SYN3: variants seen among roughly 807,000 people sequenced by gnomAD.
The protein encoded by SYN3 is synapsin-3.
SYN3 carries 35 observed loss-of-function variants against 65.8 expected under a neutral mutation model. That is an observed-to-expected ratio of 0.53 (90% CI 0.41 to 0.70). The LOEUF (loss-of-function observed/expected upper bound fraction) is 0.70. Among genes scored for constraint, SYN3 ranks in the 30% least tolerant of loss-of-function variants. SYN3 has a pLI of 0.00. For missense variants in SYN3, 680 were observed against 749.0 expected (o/e 0.91, Z 1.08); for synonymous variants, 270 against 292.9 (o/e 0.92, Z 0.80).
chr22:32,935,492 G>T lies in SYN3; in HGVS notation c.370-4011C>A, dbSNP rs150727979. ...TGAGATGGAGTTTCACTCTTGTTGC[G>T]CAGGCTGGAGTGCAACGGCGTGATC... On this transcript the variant is annotated intron_variant, in intron 3 of 13. Transcript: ENST00000358763. Among the ~76,000 whole-genome samples the T allele has an allele frequency of 9.3e-3, 1,295 of 139,628 alleles. 21 individuals are homozygous for T. Among genetic ancestry groups the T allele is most frequent in the African/African-American group, 0.034 (1,245 of 36,946 alleles). 91.6% of individuals were successfully genotyped at this position (139,628 alleles called of 152,430 possible).
At chr22:32,825,980 G>A (rs1330813244) in intron 6 of SYN3, among the ~76,000 whole-genome samples, 1 of 152,180 alleles carries the variant, frequency 6.6e-6, no homozygotes, top group African/African-American at 2.4e-5. Flanking sequence ...GTAGCATAGG[G>A]AAAAGTCTTG....
intron 3 of SYN3, among the ~76,000 whole-genome samples, chr22:32,951,103 G>A (rs1024960118): frequency 3.3e-5 from 5 of 152,126 alleles, no homozygotes; most frequent in African/African-American, 1.2e-4. Flanking sequence ...CATTCAAAAA[G>A]GATAAACAAT....
chr22:32,917,960 T>C (rs2050230533), intron 4 of SYN3, among the ~76,000 whole-genome samples: 1 of 151,758 alleles, frequency 6.6e-6, no homozygotes, highest in Non-Finnish European at 1.5e-5. Flanking sequence ...GATGGGGGCT[T>C]CCCCCTCCAA....
intron 2 of SYN3, 24 bp downstream of exon 2, chr22:33,006,328 T>C (rs755137496): frequency 7.6e-6 from 12 of 1,576,444 alleles, no homozygotes; most frequent in East Asian, 2.3e-5. Flanking sequence ...CAGAAGGTGG[T>C]AGCACTTGCA....
intron 3 of SYN3, among the ~76,000 whole-genome samples, chr22:32,951,784 A>G (rs1243652531): frequency 6.6e-6 from 1 of 152,152 alleles, no homozygotes; most frequent in Non-Finnish European, 1.5e-5. Context: ...GAGTGTGCAG[A>G]GTTGGGCCAG....
chr22:32,806,511 C>T (rs1311139021), intron 6 of SYN3, among the ~76,000 whole-genome samples: 1 of 152,158 alleles, frequency 6.6e-6, no homozygotes. Flanking sequence ...TCCTGGGTGG[C>T]CTTGAGAGGC....
At chr22:32,611,452 C>T (rs2059444734) in intron 6 of SYN3, among the ~76,000 whole-genome samples, 1 of 151,944 alleles carries the variant, frequency 6.6e-6, no homozygotes, top group Non-Finnish European at 1.5e-5. Flanking sequence ...CACCACCATG[C>T]CTGGCTAATT....
At position 32,649,831 on chromosome 22, in the gene SYN3, G is replaced by A. The variant is rs575498170; in HGVS notation, c.712-53095C>T. Reference sequence around the variant, plus strand: ...CGGTAACATTAGTAGACAGGGCTGGGCCACAGAATCGGGTGGTTTAGGACA... The same window carrying A: ...CGGTAACATTAGTAGACAGGGCTGGACCACAGAATCGGGTGGTTTAGGACA... On this transcript the variant is annotated intron_variant, in intron 6 of 13. Coordinates refer to ENST00000358763, the MANE Select transcript of SYN3 (RefSeq NM_003490.4). 7.2e-5 allele frequency among the ~76,000 whole-genome samples: 11 copies of A among 152,306 alleles called. No homozygotes were observed. In the South Asian group the frequency reaches 2.1e-3, roughly 29 times the overall value.
intron 6 of SYN3, among the ~76,000 whole-genome samples, chr22:32,734,059 A>G (rs1196378425): frequency 6.6e-6 from 1 of 152,192 alleles, no homozygotes; most frequent in Non-Finnish European, 1.5e-5. Flanking sequence ...GTCTAGGGCC[A>G]CTGCTGTCAT....
At chr22:32,919,074 G>C (rs2050265490) in intron 4 of SYN3, among the ~76,000 whole-genome samples, 1 of 152,184 alleles carries the variant, frequency 6.6e-6, no homozygotes, top group Admixed American at 6.5e-5. Flanking sequence ...TGATGGATGA[G>C]AGCAAGGTAC....
At chr22:32,949,303 G>T (rs776619334) in intron 3 of SYN3, among the ~76,000 whole-genome samples, 1 of 151,970 alleles carries the variant, frequency 6.6e-6, no homozygotes, top group South Asian at 2.1e-4. Flanking sequence ...AGTTACCAGC[G>T]GGGGGCGGGG....
At chr22:32,754,550 G>A (rs3827342) in intron 6 of SYN3, among the ~76,000 whole-genome samples, 87,246 of 152,072 alleles carry the variant, frequency 0.57, 25,415 homozygotes, top group African/African-American at 0.68. Context: ...TCCTGCTGCC[G>A]CAGACCTGAT....
intron 1 of SYN3, among the ~76,000 whole-genome samples, chr22:33,042,617 G>A (rs974288194): frequency 6.6e-6 from 1 of 152,228 alleles, no homozygotes; most frequent in East Asian, 1.9e-4. Context: ...CCACTCTAAA[G>A]GGCAGTTGAC....
At chr22:32,812,056 T>C (rs931285917) in intron 6 of SYN3, among the ~76,000 whole-genome samples, 3 of 152,334 alleles carry the variant, frequency 2.0e-5, no homozygotes, top group Non-Finnish European at 2.9e-5. Flanking sequence ...TAGTTCATCA[T>C]CTGACTCTGG....
At chr22:32,944,419 A>G (rs1662677563) in intron 3 of SYN3, among the ~76,000 whole-genome samples, 2 of 152,210 alleles carry the variant, frequency 1.3e-5, no homozygotes, top group African/African-American at 4.8e-5. Context: ...AATCCAGCAT[A>G]TAAACAGAAC....
intron 6 of SYN3, among the ~76,000 whole-genome samples, chr22:32,726,276 G>C (rs1335294394): frequency 2.0e-5 from 3 of 152,136 alleles, no homozygotes; most frequent in African/African-American, 7.2e-5. Context: ...CCAAGTAGCT[G>C]GGATTATAGG....
At chr22:32,874,836 A>G (rs553450908) in intron 4 of SYN3, among the ~76,000 whole-genome samples, 2 of 152,294 alleles carry the variant, frequency 1.3e-5, no homozygotes, top group East Asian at 3.9e-4. Context: ...AATTGTCTCC[A>G]CACTCTTCAT....
In SYN3 at chr22:32,837,747, A is replaced by T. The variant is rs984157579; in HGVS notation, c.711+27168T>A. On this transcript the variant is annotated intron_variant, in intron 6 of 13. Coordinates refer to ENST00000358763, the MANE Select transcript of SYN3 (RefSeq NM_003490.4). This position sits in a 1 kb window ranked among gnomAD's most constrained non-coding sequence, Gnocchi z 4.1. ...GGCAGTGACAGAGTGATAAGTCTTT[A>T]TCACTAGCCTCAGGGAGTAGAAGCC... Among the ~76,000 whole-genome samples, 5 of 152,096 alleles carry T rather than the reference A, an allele frequency of 3.3e-5. No homozygotes were observed. The highest frequency in any genetic ancestry group is 1.2e-4 in the African/African-American group (5 of 41,402).
intron 3 of SYN3, among the ~76,000 whole-genome samples, chr22:32,970,036 T>A (rs886157703): frequency 1.3e-5 from 2 of 152,348 alleles, no homozygotes; most frequent in African/African-American, 4.8e-5. Flanking sequence ...TCTGAATGCT[T>A]CAAGAGACTG....
Sources: gnomAD v4.1 joint callset for allele counts (sites outside exome capture counted in the v4.1 genomes callset) on GRCh38, gnomAD v4.1.1 for gene constraint, Gnocchi (gnomAD v3.1) non-coding constraint, MANE v1.5 for transcripts, NCBI Gene and HGNC (gene_info 2026-07-23, HGNC 2026-07-21) for gene names.